Variants in SGCZ observed in about 807,000 individuals in gnomAD.
SGCZ encodes the protein zeta-sarcoglycan.
In SGCZ, 40 loss-of-function variants were observed where a neutral mutation model predicts 41.3. The observed-to-expected ratio is 0.97, with a 90% CI of 0.75 to 1.26. The LOEUF (loss-of-function observed/expected upper bound fraction) is 1.26. Among genes scored for constraint, SGCZ ranks in the 50% most tolerant of loss-of-function variants. SGCZ has a pLI of 0.00. For missense variants in SGCZ, 552 were observed against 369.8 expected (o/e 1.49, Z -4.04); for synonymous variants, 206 against 137.5 (o/e 1.50, Z -3.49).
At chr8:14,611,341 TG>T (rs202243039) in intron 1 of SGCZ, among the ~76,000 whole-genome samples, 24,625 of 152,122 alleles carry the variant, frequency 0.16, 2,186 homozygotes, top group Non-Finnish European at 0.2. Context: ...TATGTGTGTG[TG>T]TGTGAATGTA....
intron 1 of SGCZ, among the ~76,000 whole-genome samples, chr8:14,780,904 CAA>C (rs1269997083): frequency 6.6e-6 from 1 of 151,964 alleles, no homozygotes; most frequent in Admixed American, 6.6e-5. Flanking sequence ...AGCAAATTTT[CAA>C]AGTTAAAGAA....
chr8:14,746,486 C>G (rs1249342709), intron 1 of SGCZ, among the ~76,000 whole-genome samples: 1 of 151,992 alleles, frequency 6.6e-6, no homozygotes, highest in Non-Finnish European at 1.5e-5. Flanking sequence ...GAGATAAAAT[C>G]AGTATTTATA....
intron 2 of SGCZ, among the ~76,000 whole-genome samples, chr8:14,374,875 G>C (rs1051473864): frequency 6.6e-6 from 1 of 152,152 alleles, no homozygotes; most frequent in Non-Finnish European, 1.5e-5. Context: ...TCCTGATGAA[G>C]TCTAAGCATT....
Position 14,112,286 on chromosome 8 carries a change from G to C in SGCZ, c.548-4051C>G, listed in dbSNP as rs1387253301. On this transcript the variant is annotated intron_variant, in intron 5 of 7. Transcript: ENST00000382080. ...ATTTTTTGAGTTTTTTTTTTTGTGG[G>C]GGGGGGGTGCAAAGAAGGGAATGGA... 6.3e-5 allele frequency among the ~76,000 whole-genome samples: 7 copies of C among 111,344 alleles called. No individual in the cohort carries two copies. In the East Asian group the frequency reaches 1.5e-3, roughly 23 times the overall value. The allele number at this position is 111,344 out of a possible 152,430, so 73.0% of individuals were successfully genotyped here.
At chr8:14,132,461 C>G (rs1803070979) in intron 5 of SGCZ, among the ~76,000 whole-genome samples, 1 of 152,158 alleles carries the variant, frequency 6.6e-6, no homozygotes, top group African/African-American at 2.4e-5. Flanking sequence ...CTAAGACAAC[C>G]ACCATTACTA....
At chr8:14,608,551 A>C (rs561294492) in intron 1 of SGCZ, among the ~76,000 whole-genome samples, 1 of 152,246 alleles carries the variant, frequency 6.6e-6, no homozygotes, top group Non-Finnish European at 1.5e-5. Context: ...CTGAGGGAGT[A>C]AGAACTCACT....
At position 14,684,532 on chromosome 8, in the gene SGCZ, T is replaced by A. The variant is rs541453945; in HGVS notation, c.40-129606A>T. Among the ~76,000 whole-genome samples the A allele has an allele frequency of 3.9e-5, 6 of 152,230 alleles. No individual in the cohort carries two copies. The South Asian group carries it at 1.2e-3, about 32-fold the overall frequency. On this transcript the variant is annotated intron_variant, in intron 1 of 7. Coordinates refer to ENST00000382080, the MANE Select transcript of SGCZ (RefSeq NM_139167.4). The stretch of plus-strand genomic sequence containing the variant: ...AGCTGCTGGAGTTTTGCTAACTAAT[T>A]TTCTCAGAGTATTCATACTGTAAAC...
chr8:14,648,005 G>T (rs924259420), intron 1 of SGCZ, among the ~76,000 whole-genome samples: 4 of 151,928 alleles, frequency 2.6e-5, no homozygotes, highest in Non-Finnish European at 4.4e-5. Context: ...GCAAAGAGGA[G>T]CCCTCATTTC....
intron 1 of SGCZ, among the ~76,000 whole-genome samples, chr8:15,215,429 G>C (rs1243169982): frequency 6.6e-6 from 1 of 152,090 alleles, no homozygotes; most frequent in Admixed American, 6.6e-5. Context: ...TACAGGCACT[G>C]TTTTACTTCC....
At chr8:14,112,880 C>T (rs770114605) in intron 5 of SGCZ, among the ~76,000 whole-genome samples, 4 of 151,792 alleles carry the variant, frequency 2.6e-5, no homozygotes, top group Non-Finnish European at 5.9e-5. Flanking sequence ...TCCAGATCAA[C>T]AGAAAATAAA....
At chr8:14,730,018 G>A (rs945876737) in intron 1 of SGCZ, among the ~76,000 whole-genome samples, 3 of 152,134 alleles carry the variant, frequency 2.0e-5, no homozygotes, top group Non-Finnish European at 2.9e-5. Context: ...CCAGTGGGGC[G>A]GAGATTGCAG....
intron 2 of SGCZ, among the ~76,000 whole-genome samples, chr8:14,488,622 T>A (rs911173809): frequency 6.6e-6 from 1 of 152,080 alleles, no homozygotes; most frequent in African/African-American, 2.4e-5. Flanking sequence ...AATCTTTCCA[T>A]CGCTGTGAGA....
chr8:14,160,183 G>A (rs1803997627), intron 5 of SGCZ, among the ~76,000 whole-genome samples: 1 of 152,102 alleles, frequency 6.6e-6, no homozygotes, highest in Admixed American at 6.6e-5. Context: ...AAAAAAACAG[G>A]TCTAGATCTA....
chr8:14,103,812 A>C (rs1484081098), intron 6 of SGCZ, among the ~76,000 whole-genome samples: 1 of 152,176 alleles, frequency 6.6e-6, no homozygotes, highest in Non-Finnish European at 1.5e-5. Context: ...TTTCCATAGA[A>C]TATTTGAAAA....
intron 1 of SGCZ, among the ~76,000 whole-genome samples, chr8:15,114,105 C>G (rs960264794): frequency 6.6e-6 from 1 of 152,172 alleles, no homozygotes; most frequent in Non-Finnish European, 1.5e-5. Context: ...TTGCTTAATT[C>G]TATTTAATGT....
chr8:14,582,834 G>T (rs1347779618), intron 1 of SGCZ, among the ~76,000 whole-genome samples: 3 of 151,454 alleles, frequency 2.0e-5, no homozygotes, highest in African/African-American at 7.3e-5. Flanking sequence ...CAAAGGACAT[G>T]AACTCATCAT....
intron 4 of SGCZ, among the ~76,000 whole-genome samples, chr8:14,222,476 T>A (rs1806231179): frequency 6.6e-6 from 1 of 151,926 alleles, no homozygotes; most frequent in Non-Finnish European, 1.5e-5. Flanking sequence ...CCACTTCAGT[T>A]TTGTTTTAGG....
rs13249873 is a variant in SGCZ at position 14,656,087 on chromosome 8, C to A, written c.40-101161G>T. ...CATTTGTGTACAGGTTTTATATGAA[C>A]GTTGTTTTTATTTCCCCAGGAAAAT... On this transcript the variant is annotated intron_variant, in intron 1 of 7. Coordinates refer to ENST00000382080, the MANE Select transcript of SGCZ (RefSeq NM_139167.4). Among the ~76,000 whole-genome samples, 437 of 151,998 alleles carry A rather than the reference C, an allele frequency of 2.9e-3. 2 individuals are homozygous for A. Among genetic ancestry groups the A allele is most frequent in the African/African-American group, 9.7e-3 (403 of 41,396 alleles).
intron 3 of SGCZ, among the ~76,000 whole-genome samples, chr8:14,249,714 T>G (rs1799222262): frequency 6.6e-6 from 1 of 152,124 alleles, no homozygotes; most frequent in African/African-American, 2.4e-5. Flanking sequence ...AGTCTTACCC[T>G]TTTCTTCCTC....
Sources: gnomAD v4.1 joint callset for allele counts (sites outside exome capture counted in the v4.1 genomes callset) on GRCh38, gnomAD v4.1.1 for gene constraint, MANE v1.5 for transcripts, NCBI Gene and HGNC (gene_info 2026-07-23, HGNC 2026-07-21) for gene names.